The following ACOT12 variants were observed in gnomAD, a reference collection of about 807,000 sequenced individuals.
The protein encoded by ACOT12 is acetyl-coenzyme A thioesterase.
ACOT12 carries 51 observed loss-of-function variants against 67.7 expected under a neutral mutation model. The ratio of observed to expected loss-of-function variants is 0.75; its 90% CI spans 0.60 to 0.95. The LOEUF is 0.95. Ranked by LOEUF, ACOT12 falls within the 40% of genes least tolerant of loss-of-function variation. The pLI, the probability that ACOT12 is intolerant of heterozygous loss-of-function variation, is 0.00. For synonymous variants in ACOT12, 251 were observed against 244.6 expected (o/e 1.03, Z -0.24); for missense variants, 734 against 708.1 (o/e 1.04, Z -0.41).
chr5:81,347,865 G>A lies in ACOT12; in HGVS notation c.562C>T (p.Leu188=). ...TGGTTTGCATGGGGTGGGAGGACCAGTTCAATGCTCTGAACGGAGGTGCCC... is the reference window on the plus strand; with the variant it reads ...TGGTTTGCATGGGGTGGGAGGACCAATTCAATGCTCTGAACGGAGGTGCCC... ...TRGTSVQSIE[L]VLPPHANHHG... is the part of the protein sequence containing the mutation. The change falls in exon 6 of 15, where the codon CTG becomes TTG. Residue 188 remains leucine, a synonymous_variant. Transcript: ENST00000307624. The A allele has an allele frequency of 6.2e-7, 1 of 1,614,220 alleles. No individual in the cohort carries two copies. Among genetic ancestry groups the A allele is most frequent in the Non-Finnish European group, 8.5e-7 (1 of 1,180,032 alleles).
intron 1 of ACOT12, among the ~76,000 whole-genome samples, chr5:81,393,232 A>G (rs1760909928): frequency 6.6e-6 from 1 of 152,234 alleles, no homozygotes; most frequent in African/African-American, 2.4e-5. Context: ...GAGACTCGCC[A>G]GGATGTAACC....
intron 14 of ACOT12, 47 bp downstream of exon 14, chr5:81,330,767 G>A (rs370641600): frequency 2.3e-5 from 36 of 1,589,690 alleles, no homozygotes; most frequent in Admixed American, 1.7e-4. Flanking sequence ...GAGATTTTTC[G>A]CTATCTGGCA....
At chr5:81,392,010 G>A (rs912720878) in intron 1 of ACOT12, among the ~76,000 whole-genome samples, 1 of 152,188 alleles carries the variant, frequency 6.6e-6, no homozygotes, top group African/African-American at 2.4e-5. Context: ...ATGGACGTGT[G>A]AGATAGAGGA....
intron 6 of ACOT12, among the ~76,000 whole-genome samples, chr5:81,346,312 AC>A (rs1759380527): frequency 6.6e-6 from 1 of 152,224 alleles, no homozygotes; most frequent in South Asian, 2.1e-4. Context: ...AATCTGAATT[AC>A]AGTCATCCTG....
intron 4 of ACOT12, among the ~76,000 whole-genome samples, chr5:81,360,357 G>A (rs1356359500): frequency 6.6e-6 from 1 of 152,078 alleles, no homozygotes; most frequent in Non-Finnish European, 1.5e-5. Flanking sequence ...ATGAGGAGAT[G>A]GACTTTGACT....
chr5:81,340,336 C>A (rs1175255029), intron 11 of ACOT12, among the ~76,000 whole-genome samples: 2 of 151,120 alleles, frequency 1.3e-5, no homozygotes, highest in East Asian at 3.9e-4. Flanking sequence ...TGCGCCTGCC[C>A]AGAAAGTATG....
intron 5 of ACOT12, among the ~76,000 whole-genome samples, chr5:81,353,916 T>C (rs1759629599): frequency 6.6e-6 from 1 of 152,212 alleles, no homozygotes; most frequent in South Asian, 2.1e-4. Flanking sequence ...TTCTCTTCTT[T>C]TAGAACACAC....
At chr5:81,346,932 C>T (rs796815310) in intron 6 of ACOT12, among the ~76,000 whole-genome samples, 3 of 152,296 alleles carry the variant, frequency 2.0e-5, no homozygotes, top group South Asian at 2.1e-4. Context: ...TTCCCTAAAA[C>T]TGCTCAATTA....
At chr5:81,368,656 A>C (rs983335226) in intron 3 of ACOT12, among the ~76,000 whole-genome samples, 6 of 152,102 alleles carry the variant, frequency 3.9e-5, no homozygotes, top group Non-Finnish European at 8.8e-5. Context: ...CAGGTAAAGC[A>C]ATATATTGAA....
At chr5:81,337,850 C>T (rs1759052297) in intron 11 of ACOT12, among the ~76,000 whole-genome samples, 1 of 152,174 alleles carries the variant, frequency 6.6e-6, no homozygotes, top group Admixed American at 6.5e-5. Context: ...TCTGGGGGTG[C>T]TGCTCCCCAG....
chr5:81,344,775 A>G, intron 8 of ACOT12, 116 bp downstream of exon 8: 1 of 1,313,688 alleles, frequency 7.6e-7, no homozygotes, highest in Non-Finnish European at 1.1e-6. Flanking sequence ...GTGATGCTGA[A>G]AAGAGGGAAA....
intron 2 of ACOT12, among the ~76,000 whole-genome samples, chr5:81,381,295 C>A (rs1561351181): frequency 6.6e-6 from 1 of 152,032 alleles, no homozygotes; most frequent in Non-Finnish European, 1.5e-5. Context: ...CTCAAAATTC[C>A]TGACCTCAGA....
intron 12 of ACOT12, among the ~76,000 whole-genome samples, chr5:81,334,288 A>G (rs1580528599): frequency 6.6e-6 from 1 of 152,226 alleles, no homozygotes; most frequent in Non-Finnish European, 1.5e-5. Context: ...CGAGCTGATT[A>G]ACACAGGCTG....
intron 3 of ACOT12, among the ~76,000 whole-genome samples, chr5:81,368,395 T>C (rs1012982095): frequency 2.0e-5 from 3 of 152,150 alleles, no homozygotes; most frequent in Non-Finnish European, 4.4e-5. Context: ...AGCAACACAT[T>C]CTTTTCAAGC....
chr5:81,370,385 C>G (rs939307450), intron 3 of ACOT12, among the ~76,000 whole-genome samples: 1 of 152,202 alleles, frequency 6.6e-6, no homozygotes, highest in Admixed American at 6.5e-5. Flanking sequence ...GTTCCCCCTT[C>G]CAAATTCTTA....
At chr5:81,323,318 A>C in the ACOT12 span, among the ~76,000 whole-genome samples, 1 of 152,146 alleles carries the variant, frequency 6.6e-6, no homozygotes, top group Non-Finnish European at 1.5e-5. Flanking sequence ...TGCAAAACCT[A>C]GCTGGGCTTG....
Position 81,363,822 on chromosome 5 carries a change from G to A in ACOT12, c.326C>T (p.Ser109Phe). ...TCCAACTGGTTTGGCTACAAATGTG[G>A]AGAAAGCCACACTAACAAGCTTCTC... The part of the protein sequence containing the change: ...GIEKLVSVAF[S>F]TFVAKPVGKE... Residue 109 changes from serine (S) to phenylalanine (F), a missense_variant, in exon 4 of 15, where the codon TCC becomes TTC. Physicochemically the swap from Ser to Phe is radical, Grantham distance 155. Transcript: ENST00000307624. 1 of 1,611,516 alleles carries A rather than the reference G, an allele frequency of 6.2e-7. No homozygotes were observed. Among genetic ancestry groups the A allele is most frequent in the Non-Finnish European group, 8.5e-7 (1 of 1,178,892 alleles).
At chr5:81,367,579 A>C (rs555524155) in intron 3 of ACOT12, among the ~76,000 whole-genome samples, 1 of 152,344 alleles carries the variant, frequency 6.6e-6, no homozygotes, top group African/African-American at 2.4e-5. Context: ...TGTATAGTTA[A>C]AACACCAACA....
Position 81,330,249 on chromosome 5 carries a change from C to G in ACOT12, c.*145G>C. The G allele has an allele frequency of 1.2e-6, 1 of 812,308 alleles. No homozygotes were observed. The highest frequency in any genetic ancestry group is 2.7e-5 in the East Asian group (1 of 36,634). The allele number at this position is 812,308 out of a possible 1,614,324, so 50.3% of individuals were successfully genotyped here. On this transcript the variant is annotated 3_prime_UTR_variant, in exon 15 of 15. Transcript: ENST00000307624. ...AATCACTGGTATTTGACTTAAGATG[C>G]ATTTTGTTTTTTAACTCCGTCACTG...
Sources: gnomAD v4.1 joint callset for allele counts (sites outside exome capture counted in the v4.1 genomes callset) on GRCh38, gnomAD v4.1.1 for gene constraint, MANE v1.5 for transcripts, NCBI Gene and HGNC (gene_info 2026-07-23, HGNC 2026-07-21) for gene names.